MAP4K2: variants seen among roughly 807,000 people sequenced by gnomAD.
MAP4K2 encodes B lymphocyte serine/threonine protein kinase.
In MAP4K2, 85 loss-of-function variants were observed where a neutral mutation model predicts 125.3. The observed-to-expected ratio is 0.68, with a 90% CI of 0.57 to 0.81. MAP4K2 has a LOEUF of 0.81. MAP4K2 is among the 40% of genes least tolerant of loss of function. The pLI, the probability that MAP4K2 is intolerant of heterozygous loss-of-function variation, is 0.00. For synonymous variants in MAP4K2, 479 were observed against 445.1 expected (o/e 1.08, Z -0.96); for missense variants, 923 against 1,056.4 (o/e 0.87, Z 1.75).
At chr11:64,798,022 CAG>C (rs1369297031) in intron 15 of MAP4K2, among the ~76,000 whole-genome samples, 11 of 138,338 alleles carry the variant, frequency 8.0e-5, no homozygotes, top group African/African-American at 3.0e-4. Flanking sequence ...TTTTTTAAGA[CAG>C]AGTTTCATTC....
Position 64,800,360 on chromosome 11 carries a change from G to C in MAP4K2, c.758C>G (p.Ala253Gly), listed in dbSNP as rs1941089605. The part of the protein sequence containing the change: ...TQNFHHFLKL[A>G]LTKNPKKRPT... ...CCTCTTCTTAGGATTCTTGGTCAGG[G>C]CCAGTTTGAGAAAGTGGTGGAAATT... The change falls in exon 11 of 32, where the codon GCC (alanine) becomes GGC (glycine). Residue 253 changes from alanine to glycine, a missense_variant. This residue lies in a region of MAP4K2 where 833 missense variants were observed against 911.4 expected (regional missense o/e 0.91). Coordinates refer to ENST00000294066, the MANE Select transcript of MAP4K2 (RefSeq NM_004579.5). 1 of 1,613,966 alleles carries C rather than the reference G, an allele frequency of 6.2e-7. No individual in the cohort carries two copies. The highest frequency in any genetic ancestry group is 1.3e-5 in the African/African-American group (1 of 74,928).
At position 64,785,527 on chromosome 11, in the gene MAP4K2, C is replaced by CT. The variant is rs1940183016; in HGVS notation, c.*4009dup. 1 of 151,476 alleles carries CT rather than the reference C, an allele frequency of 6.6e-6. No individual in the cohort carries two copies. Among genetic ancestry groups the CT allele is most frequent in the Non-Finnish European group, 1.5e-5 (1 of 67,836 alleles). The allele number at this position is 151,476 out of a possible 1,614,324, so 9.4% of individuals were successfully genotyped here. A position where few individuals can be genotyped will look rare whatever the true frequency, so the allele number is the denominator to read the frequency against. On this transcript the variant is annotated 3_prime_UTR_variant, in exon 32 of 32. Transcript: ENST00000294066. ...ACGTCCTCTTCGTTTTTGGTCTTGT[C>CT]TTTCAAGCGAGTTCTATTTTTTCGG...
At chr11:64,801,315 G>A (rs1385407592) in intron 7 of MAP4K2, 132 bp from the exon 8 acceptor site, 2 of 1,173,932 alleles carry the variant, frequency 1.7e-6, no homozygotes, top group African/African-American at 3.0e-5. Flanking sequence ...AGCTGCCGCA[G>A]GCCCTAGGCA....
In MAP4K2 at chr11:64,786,821, A is replaced by C. The variant is rs923156514; in HGVS notation, c.*2716T>G. ...ATATAAAAGTAGTAAAAACAACTCA[A>C]ATTTCCACCAATAGGGATCTCACTG... On this transcript the variant is annotated 3_prime_UTR_variant, in exon 32 of 32. Transcript: ENST00000294066. The C allele has an allele frequency of 1.3e-5, 2 of 152,146 alleles. No individual in the cohort carries two copies. The allele number at this position is 152,146 out of a possible 1,614,324, so 9.4% of individuals were successfully genotyped here. A position where few individuals can be genotyped will look rare whatever the true frequency, so the allele number is the denominator to read the frequency against.
chr11:64,803,207 G>C lies in MAP4K2; in HGVS notation c.-58C>G. ...GGCGCGAGCTGCGGAGCCGGCGCGG[G>C]GCGGCGCGGGGCGGGGCGGGCGCCC... On this transcript the variant is annotated 5_prime_UTR_variant, in exon 1 of 32. Transcript: ENST00000294066. The C allele has an allele frequency of 1.4e-6, 1 of 730,756 alleles. No individual in the cohort carries two copies. The allele number at this position is 730,756 out of a possible 1,614,324, so 45.3% of individuals were successfully genotyped here.
At position 64,789,513 on chromosome 11, in the gene MAP4K2, A is replaced by G. The variant is rs759188754; in HGVS notation, c.*24T>C. On this transcript the variant is annotated 3_prime_UTR_variant, in exon 32 of 32. Coordinates refer to ENST00000294066, the MANE Select transcript of MAP4K2 (RefSeq NM_004579.5). ...AGCTAAGGCGTGGGGTGGGGCGGGG[A>G]GCCCCTGGACAGGCCCGCTGCTCTT... 1.3e-6 allele frequency: 2 copies of G among 1,556,534 alleles called. No homozygotes were observed. The highest frequency in any genetic ancestry group is 2.4e-5 in the South Asian group (2 of 84,638).
In MAP4K2 at chr11:64,789,583, G is replaced by A. The variant is rs774975786; in HGVS notation, c.2417C>T (p.Ala806Val). 6.2e-6 allele frequency: 10 copies of A among 1,604,570 alleles called. No individual in the cohort carries two copies. Among genetic ancestry groups the A allele is most frequent in the East Asian group, 2.2e-5 (1 of 44,628 alleles). The stretch of plus-strand genomic sequence containing the variant: ...CGTGAGGATGTAGAGGTTGCTGTGC[G>A]CCTCTGGGTTGTCAGTGGGAATGCT... ...LESIPTDNPEAHSNLYILTGH... is the reference protein window; with the variant it reads ...LESIPTDNPEVHSNLYILTGH... The change falls in exon 32 of 32, where the codon GCG (alanine) becomes GTG (valine). Residue 806 changes from alanine (A) to valine (V), a missense_variant. By Grantham distance (64) the Ala-to-Val change is moderately conservative. Coordinates refer to ENST00000294066, the MANE Select transcript of MAP4K2 (RefSeq NM_004579.5).
At chr11:64,800,637 C>A in intron 10 of MAP4K2, 127 bp downstream of exon 10, 3 of 1,330,628 alleles carry the variant, frequency 2.3e-6, no homozygotes, top group Non-Finnish European at 3.1e-6. Flanking sequence ...GCCCCTGACT[C>A]AGATGGTCTG....
In MAP4K2 at chr11:64,790,286, A is replaced by G. The variant is rs777341499; in HGVS notation, c.2162-12T>C. 1 of 1,613,948 alleles carries G rather than the reference A, an allele frequency of 6.2e-7. No homozygotes were observed. The highest frequency in any genetic ancestry group is 2.2e-5 in the East Asian group (1 of 44,894). On this transcript the variant is annotated splice_polypyrimidine_tract_variant and intron_variant, in intron 28 of 31. Transcript: ENST00000294066. ...AATCCTCACACAGCCTGCACAGGGA[A>G]GGAATTGGTGAGTGGGGACGGGGAG...
At chr11:64,797,754 G>C (rs1397150124) in intron 15 of MAP4K2, 90 bp from the exon 16 acceptor site, 1 of 1,241,780 alleles carries the variant, frequency 8.1e-7, no homozygotes, top group African/African-American at 1.7e-5. Flanking sequence ...CACCCAGGCC[G>C]GAGTGCAGTG....
At position 64,789,549 on chromosome 11, in the gene MAP4K2, C is replaced by T. The variant is rs756297913; in HGVS notation, c.2451G>A (p.Gln817=). 2 of 1,586,926 alleles carry T rather than the reference C, an allele frequency of 1.3e-6. No homozygotes were observed. The highest frequency in any genetic ancestry group is 2.3e-5 in the East Asian group (1 of 43,920). The change falls in exon 32 of 32, where the codon CAG becomes CAA. Residue 817 remains glutamine (Q), a synonymous_variant. Coordinates refer to ENST00000294066, the MANE Select transcript of MAP4K2 (RefSeq NM_004579.5). ...HSNLYILTGH[Q]STY is the part of the protein sequence containing the mutation. ...AGGCCCGCTGCTCTTAGTAGGTGCT[C>T]TGGTGGCCCGTGAGGATGTAGAGGT... is the stretch of plus-strand genomic sequence containing the variant.
rs577821036 is a variant in MAP4K2, at chr11:64,786,986, T to C, written c.*2551A>G. ...ACATATCTTTTCAGGGTGCATGTGA[T>C]AATTTAATACATTCATATTCTCCAG... On this transcript the variant is annotated 3_prime_UTR_variant, in exon 32 of 32. Transcript: ENST00000294066. 2 of 151,534 alleles carry C rather than the reference T, an allele frequency of 1.3e-5. No individual in the cohort carries two copies. Among genetic ancestry groups the C allele is most frequent in the South Asian group, 4.2e-4 (2 of 4,802 alleles). The allele number at this position is 151,534 out of a possible 1,614,324, so 9.4% of individuals were successfully genotyped here. A position where few individuals can be genotyped will look rare whatever the true frequency, so the allele number is the denominator to read the frequency against.
rs1940336006 is a variant in MAP4K2 at position 64,789,370 on chromosome 11, C to G, written c.*167G>C. The G allele has an allele frequency of 4.7e-6, 3 of 632,920 alleles. No individual in the cohort carries two copies. The South Asian group carries it at 5.8e-5, about 12-fold the overall frequency. The allele number at this position is 632,920 out of a possible 1,614,324, so 39.2% of individuals were successfully genotyped here. A position where few individuals can be genotyped will look rare whatever the true frequency, so the allele number is the denominator to read the frequency against. ...AGTTATTGCAGAGGCGTCGGGGGCT[C>G]CCCTCCCTCCCCAGGCCTGAAACAT... is the stretch of plus-strand genomic sequence containing the variant. On this transcript the variant is annotated 3_prime_UTR_variant, in exon 32 of 32. Coordinates refer to ENST00000294066, the MANE Select transcript of MAP4K2 (RefSeq NM_004579.5).
At chr11:64,789,681 C>T (rs1940357612) in intron 31 of MAP4K2, 49 bp downstream of exon 31, 1 of 1,613,034 alleles carries the variant, frequency 6.2e-7, no homozygotes, top group South Asian at 1.1e-5. Context: ...TCAGCCCCTT[C>T]TCTGGCCTCA....
At position 64,801,174 on chromosome 11, in the gene MAP4K2, C is replaced by T. The variant is rs1565625419; in HGVS notation, c.467G>A (p.Gly156Glu). The T allele has an allele frequency of 1.2e-6, 2 of 1,612,822 alleles. No homozygotes were observed. The highest frequency in any genetic ancestry group is 1.7e-5 in the Admixed American group (1 of 59,992). Reference sequence around the variant, plus strand: ...AGACGCTGTCAGCTCGCCTGACACCCCAAAGTCAGCTGTGGGGAGAAACAG... The same window carrying T: ...AGACGCTGTCAGCTCGCCTGACACCTCAAAGTCAGCTGTGGGGAGAAACAG... The part of the protein sequence containing the change: ...LQGDVKLADF[G>E]VSGELTASVA... The change falls in exon 8 of 32, where the codon GGG becomes GAG. Residue 156 changes from glycine to glutamate, a missense_variant. This residue lies in a region of MAP4K2 where 833 missense variants were observed against 911.4 expected (regional missense o/e 0.91). Coordinates refer to ENST00000294066, the MANE Select transcript of MAP4K2 (RefSeq NM_004579.5).
chr11:64,791,541 G>C (rs1402182849), intron 27 of MAP4K2, among the ~76,000 whole-genome samples: 1 of 152,160 alleles, frequency 6.6e-6, no homozygotes. Flanking sequence ...AACATGCCCA[G>C]CTAATTTTTT....
chr11:64,802,337 G>T, intron 4 of MAP4K2, 82 bp downstream of exon 4: 1 of 1,405,074 alleles, frequency 7.1e-7, no homozygotes, highest in Non-Finnish European at 9.7e-7. Flanking sequence ...CAAGTCCAGG[G>T]CCCAGAGTCC....
intron 27 of MAP4K2, among the ~76,000 whole-genome samples, chr11:64,791,340 C>A (rs1266243112): frequency 1.3e-5 from 2 of 152,212 alleles, no homozygotes; most frequent in Non-Finnish European, 2.9e-5. Context: ...AGATCTGCCT[C>A]TTCCCTGCAG....
At chr11:64,801,416 C>G (rs1941156533) in intron 7 of MAP4K2, among the ~76,000 whole-genome samples, 163 bp downstream of exon 7, 1 of 152,292 alleles carries the variant, frequency 6.6e-6, no homozygotes, top group South Asian at 2.1e-4. Context: ...ACCCAACCTC[C>G]TCTATTTTCC....
Sources: gnomAD v4.1 joint callset for allele counts (sites outside exome capture counted in the v4.1 genomes callset) on GRCh38, gnomAD v4.1.1 for gene constraint, gnomAD v4.1.1 regional missense constraint, MANE v1.5 for transcripts, NCBI Gene and HGNC (gene_info 2026-07-23, HGNC 2026-07-21) for gene names.